Variants in SRPX observed in about 807,000 individuals in gnomAD.
SRPX encodes sushi repeat containing protein X-linked, also known as sushi repeat-containing protein SRPX.
A neutral mutation model predicts 38.1 loss-of-function variants in SRPX; 24 were observed. That is an observed-to-expected ratio of 0.63 (90% CI 0.46 to 0.89). The LOEUF (loss-of-function observed/expected upper bound fraction) is 0.89. Ranked by LOEUF, SRPX falls within the 40% of genes least tolerant of loss-of-function variation. The pLI, the probability that SRPX is intolerant of heterozygous loss-of-function variation, is 0.00. For missense variants in SRPX, 416 were observed against 377.8 expected (o/e 1.10, Z -0.84); for synonymous variants, 184 against 153.8 (o/e 1.20, Z -1.45).
intron 7 of SRPX, among the ~76,000 whole-genome samples, chrX:38,158,978 TCAAA>T (rs758461830): frequency 8.1e-5 from 9 of 110,703 alleles, no homozygotes; most frequent in East Asian, 5.6e-4. Context: ...AGACTACATC[TCAAA>T]CAAACAAACA....
intron 1 of SRPX, among the ~76,000 whole-genome samples, chrX:38,186,190 G>A (rs1431932858): frequency 3.6e-5 from 4 of 111,381 alleles, no homozygotes; most frequent in Admixed American, 9.5e-5. Context: ...CACTCATTCC[G>A]GGTCAAGTTA....
intron 5 of SRPX, among the ~76,000 whole-genome samples, chrX:38,162,897 C>T (rs1431579683): frequency 1.8e-5 from 2 of 112,903 alleles, no homozygotes; most frequent in African/African-American, 6.4e-5. Flanking sequence ...TGAATATTCT[C>T]ACAAAGCTTG....
intron 2 of SRPX, among the ~76,000 whole-genome samples, chrX:38,177,563 T>TC (rs397964446): frequency 2.0e-5 from 2 of 101,984 alleles, no homozygotes; most frequent in Non-Finnish European, 4.0e-5. Flanking sequence ...TTTTTTTTTT[T>TC]CAAATTCTTC....
At chrX:38,195,107 A>T (rs892445623) in intron 1 of SRPX, among the ~76,000 whole-genome samples, 26 of 110,205 alleles carry the variant, frequency 2.4e-4, no homozygotes, top group East Asian at 2.0e-3. Context: ...TCCTGACTTC[A>T]GGTGATCTGC....
At chrX:38,176,574 C>T (rs971276520) in intron 2 of SRPX, among the ~76,000 whole-genome samples, 14 of 111,394 alleles carry the variant, frequency 1.3e-4, no homozygotes, top group Non-Finnish European at 2.6e-4. Context: ...GGGTGGATCA[C>T]CTGAGGTTAG....
intron 8 of SRPX, 25 bp from the exon 9 acceptor site, chrX:38,154,608 G>A (rs367646000): frequency 2.5e-6 from 3 of 1,205,336 alleles, no homozygotes; most frequent in Non-Finnish European, 3.4e-6. Context: ...ACCCAACAGG[G>A]GAAGTATGAG....
chrX:38,199,862 T>C (rs756282980), intron 1 of SRPX, among the ~76,000 whole-genome samples: 141 of 111,752 alleles, frequency 1.3e-3, no homozygotes, highest in African/African-American at 4.3e-3. Context: ...TTTTTATGAG[T>C]TAATGATGAA....
At chrX:38,217,323 G>A (rs1363107799) in intron 1 of SRPX, among the ~76,000 whole-genome samples, 1 of 112,281 alleles carries the variant, frequency 8.9e-6, no homozygotes, top group East Asian at 2.8e-4. Context: ...AGGAAGGCAC[G>A]TTGCTTCCCA....
chrX:38,220,662 C>G (rs750469448), intron 1 of SRPX, 34 bp downstream of exon 1: 1 of 1,187,025 alleles, frequency 8.4e-7, no homozygotes, highest in Non-Finnish European at 1.1e-6. Context: ...TCTTTGGTGC[C>G]CAGCTGAGGA....
At chrX:38,191,764 T>A (rs952734856) in intron 1 of SRPX, among the ~76,000 whole-genome samples, 3 of 111,983 alleles carry the variant, frequency 2.7e-5, no homozygotes, top group Non-Finnish European at 5.6e-5. Context: ...GGTATGTGTG[T>A]GTTTTGGATT....
intron 1 of SRPX, among the ~76,000 whole-genome samples, chrX:38,205,916 C>G (rs1026145208): frequency 3.6e-5 from 4 of 112,458 alleles, no homozygotes; most frequent in African/African-American, 1.3e-4. Flanking sequence ...AGTGGATTGC[C>G]TGCACAGTGG....
At position 38,149,621 on chromosome X, in the gene SRPX, T is replaced by C. The variant is rs1378739143; in HGVS notation, c.*90A>G. 3.5e-6 allele frequency: 3 copies of C among 865,842 alleles called. No individual in the cohort carries two copies. The highest frequency in any genetic ancestry group is 1.6e-6 in the Non-Finnish European group (1 of 641,953). The allele number at this position is 865,842 out of a possible 1,213,427, so 71.4% of individuals were successfully genotyped here. On this transcript the variant is annotated 3_prime_UTR_variant, in exon 10 of 10. Transcript: ENST00000378533. ...TAGACTTTTAAAATTACAAATAAAA[T>C]CTGTACATCAAGGATATTTTTAAGG... is the stretch of plus-strand genomic sequence containing the variant.
In SRPX at chrX:38,164,841, G is replaced by T. The variant is rs750297936; in HGVS notation, c.581C>A (p.Pro194His). Residue 194 changes from proline to histidine, a missense_variant, in exon 5 of 10, where the codon CCC becomes CAC. Transcript: ENST00000378533. ...GGACACCCGGACTGTCAGTTTGTTG[G>T]GTTCTGCAATGCGTTCCTTCACACT... ...CPSVKERIAEPNKLTVRVSWE... is the reference protein window; with the variant it reads ...CPSVKERIAEHNKLTVRVSWE... 8.3e-7 allele frequency: 1 copy of T among 1,208,682 alleles called. No homozygotes were observed. The highest frequency in any genetic ancestry group is 1.8e-5 in the African/African-American group (1 of 56,953).
chrX:38,170,057 G>C (rs893590744), intron 4 of SRPX, among the ~76,000 whole-genome samples: 6 of 111,673 alleles, frequency 5.4e-5, no homozygotes, highest in Non-Finnish European at 9.4e-5. Flanking sequence ...AAATAACTAT[G>C]AATTTCAGCT....
chrX:38,202,411 G>C (rs1225873321), intron 1 of SRPX, among the ~76,000 whole-genome samples: 3 of 111,455 alleles, frequency 2.7e-5, no homozygotes, highest in African/African-American at 9.8e-5. Context: ...TACAGCATCA[G>C]ATGTTTATAT....
intron 1 of SRPX, among the ~76,000 whole-genome samples, chrX:38,218,345 T>C (rs1219009897): frequency 8.9e-6 from 1 of 112,816 alleles, no homozygotes; most frequent in Non-Finnish European, 1.9e-5. Flanking sequence ...TCATCTGTTA[T>C]AAGCATACAA....
At chrX:38,195,532 TAAG>T (rs1938984678) in intron 1 of SRPX, among the ~76,000 whole-genome samples, 1 of 111,533 alleles carries the variant, frequency 9.0e-6, no homozygotes, top group African/African-American at 3.3e-5. Context: ...TTTGCAATGA[TAAG>T]AACATGTTTA....
intron 9 of SRPX, among the ~76,000 whole-genome samples, chrX:38,152,040 G>A (rs765427478): frequency 6.3e-5 from 7 of 111,397 alleles, no homozygotes; most frequent in Admixed American, 9.5e-5. Flanking sequence ...GTTTTATCAC[G>A]GCCTTGGTGC....
At chrX:38,194,783 A>T (rs921677271) in intron 1 of SRPX, among the ~76,000 whole-genome samples, 10 of 110,437 alleles carry the variant, frequency 9.1e-5, no homozygotes, top group Non-Finnish European at 1.9e-4. Flanking sequence ...GTTATAGAAG[A>T]CTATATTCAG....
Sources: gnomAD v4.1 joint callset for allele counts (sites outside exome capture counted in the v4.1 genomes callset) on GRCh38, gnomAD v4.1.1 for gene constraint, MANE v1.5 for transcripts, NCBI Gene and HGNC (gene_info 2026-07-23, HGNC 2026-07-21) for gene names.